Variants in ZFHX3 observed in about 807,000 individuals in gnomAD.
ZFHX3 encodes zinc finger homeobox 3.
A neutral mutation model predicts 279.1 loss-of-function variants in ZFHX3; 42 were observed. The observed-to-expected ratio is 0.15, with a 90% confidence interval of 0.12 to 0.19. The LOEUF (loss-of-function observed/expected upper bound fraction) is 0.19. ZFHX3 is among the 10% of genes least tolerant of loss of function. ZFHX3 has a pLI of 1.00. For synonymous variants in ZFHX3, 2,293 were observed against 1,957.8 expected, an observed-to-expected ratio of 1.17 and a Z score of -4.52; for missense variants, 4,981 against 4,754.0, an observed-to-expected ratio of 1.05 and a Z score of -1.40.
intron 1 of ZFHX3, among the ~76,000 whole-genome samples, chr16:73,867,250 G>C (rs1472543424): frequency 6.6e-6 from 1 of 152,128 alleles, no homozygotes; most frequent in African/African-American, 2.4e-5. Flanking sequence ...CTCATGCAAT[G>C]TTCAAACCAA....
chr16:73,764,694 C>T (rs896687094), intron 1 of ZFHX3, among the ~76,000 whole-genome samples: 3 of 152,062 alleles, frequency 2.0e-5, no homozygotes, highest in Non-Finnish European at 4.4e-5. Context: ...AAAGGAACAA[C>T]CAAAGAAAGA....
At chr16:73,357,318 T>C (rs999146873) in intron 3 of ZFHX3, among the ~76,000 whole-genome samples, 1 of 151,284 alleles carries the variant, frequency 6.6e-6, no homozygotes, top group African/African-American at 2.4e-5. Flanking sequence ...TAAAATGAAA[T>C]TAATTACAAA....
chr16:73,357,741 G>A (rs2016368026), intron 3 of ZFHX3, among the ~76,000 whole-genome samples: 1 of 152,144 alleles, frequency 6.6e-6, no homozygotes, highest in Non-Finnish European at 1.5e-5. Context: ...CCTGTGTCGG[G>A]AGGTGTGTAG....
intron 1 of ZFHX3, among the ~76,000 whole-genome samples, chr16:73,055,694 G>GCACACACACACACACACA (rs753027373): frequency 4.9e-4 from 67 of 138,122 alleles, no homozygotes; most frequent in South Asian, 9.8e-4. Flanking sequence ...GCGCGCGCGC[G>GCACACACACACACACACA]CGCGCACACA....
At chr16:73,871,866 T>C (rs1471758246) in intron 1 of ZFHX3, among the ~76,000 whole-genome samples, 2 of 152,202 alleles carry the variant, frequency 1.3e-5, no homozygotes, top group Non-Finnish European at 2.9e-5. Flanking sequence ...ACCTGAACTA[T>C]ATAGATGCTT....
At chr16:73,483,534 T>C in intron 2 of ZFHX3, 1 of 358,240 alleles carries the variant, frequency 2.8e-6, no homozygotes, top group South Asian at 2.1e-5. Context: ...CTCCGCGTTC[T>C]CATTTCTTGT....
intron 2 of ZFHX3, among the ~76,000 whole-genome samples, chr16:73,651,203 A>G (rs554580222): frequency 2.4e-4 from 37 of 151,198 alleles, no homozygotes; most frequent in African/African-American, 8.9e-4. Flanking sequence ...AAATGGGAGT[A>G]TTAGTCAGAT....
intron 1 of ZFHX3, among the ~76,000 whole-genome samples, chr16:72,982,290 ATC>A (rs1290820336): frequency 2.6e-5 from 4 of 152,212 alleles, no homozygotes; most frequent in Admixed American, 6.5e-5. Context: ...TCATTCAAAC[ATC>A]TGAGTGACTC....
At chr16:73,885,631 G>C (rs1336158682) in intron 1 of ZFHX3, among the ~76,000 whole-genome samples, 1 of 152,096 alleles carries the variant, frequency 6.6e-6, no homozygotes, top group Non-Finnish European at 1.5e-5. Context: ...ACAAAAAAAG[G>C]TGATGGGAGA....
At position 73,279,010 on chromosome 16, in the gene ZFHX3, TC is replaced by T. The variant is rs945772368; in HGVS notation, c.-1193-21875del. Among the ~76,000 whole-genome samples, 15 of 152,232 alleles carry T rather than the reference TC, an allele frequency of 9.9e-5. 2 individuals carry two copies. Among genetic ancestry groups the T allele is most frequent in the Non-Finnish European group, 2.9e-5 (2 of 68,040 alleles). On this transcript the variant is annotated intron_variant, in intron 4 of 17. Coordinates refer to the ZFHX3 transcript ENST00000641206. ...TTTTTCTACTACTAAGTGGGGGGCA[TC>T]CCCATACTTCTCAGTTAAATGTAAT...
At chr16:73,672,045 A>G (rs999401974) in intron 2 of ZFHX3, among the ~76,000 whole-genome samples, 13 of 119,940 alleles carry the variant, frequency 1.1e-4, no homozygotes, top group Non-Finnish European at 8.9e-5. Flanking sequence ...ATCTGAGGGG[A>G]AAAAAAATAC....
intron 2 of ZFHX3, among the ~76,000 whole-genome samples, chr16:73,458,604 C>T (rs564003202): frequency 6.6e-6 from 1 of 152,230 alleles, no homozygotes; most frequent in Non-Finnish European, 1.5e-5. Context: ...GTGATCCACT[C>T]ACCTCGGCTT....
chr16:72,803,883 A>G (rs1232489671), intron 7 of ZFHX3, among the ~76,000 whole-genome samples: 1 of 152,212 alleles, frequency 6.6e-6, no homozygotes, highest in Non-Finnish European at 1.5e-5. Flanking sequence ...GCCATGCAAA[A>G]GGCAGTTCCA....
At chr16:72,829,994 G>T in intron 4 of ZFHX3, 135 bp from the exon 5 acceptor site, 1 of 869,190 alleles carries the variant, frequency 1.2e-6, no homozygotes, top group Non-Finnish European at 1.8e-6. Flanking sequence ...AGAGGCCCCT[G>T]GGAGACTGAC....
At chr16:73,779,410 G>C (rs1431312116) in intron 1 of ZFHX3, among the ~76,000 whole-genome samples, 1 of 121,864 alleles carries the variant, frequency 8.2e-6, no homozygotes, top group African/African-American at 3.2e-5. Flanking sequence ...GGAGGAGGAG[G>C]TGGTGGTGTT....
intron 2 of ZFHX3, among the ~76,000 whole-genome samples, chr16:73,648,626 G>A (rs2052642816): frequency 6.6e-6 from 1 of 152,050 alleles, no homozygotes; most frequent in Non-Finnish European, 1.5e-5. Context: ...TGGCCAGGCT[G>A]GTCTCAAACC....
chr16:73,738,629 C>T (rs556630164), intron 1 of ZFHX3, among the ~76,000 whole-genome samples: 12 of 152,112 alleles, frequency 7.9e-5, no homozygotes, highest in African/African-American at 2.4e-4. Context: ...TAGAGTTCCA[C>T]GGTATAAGAA....
At chr16:73,596,785 C>T (rs1233857615) in intron 2 of ZFHX3, among the ~76,000 whole-genome samples, 1 of 152,182 alleles carries the variant, frequency 6.6e-6, no homozygotes, top group Non-Finnish European at 1.5e-5. Context: ...TAAGGAACGT[C>T]ACTATAACTC....
At chr16:72,976,282 G>A (rs139584187) in intron 1 of ZFHX3, among the ~76,000 whole-genome samples, 62 of 152,298 alleles carry the variant, frequency 4.1e-4, no homozygotes, top group Middle Eastern at 3.4e-3. Context: ...TGTTCCTGCA[G>A]TTCCAAAAGA....
Sources: gnomAD v4.1 joint callset for allele counts (sites outside exome capture counted in the v4.1 genomes callset) on GRCh38, gnomAD v4.1.1 for gene constraint, MANE v1.5 for transcripts, NCBI Gene and HGNC (gene_info 2026-07-23, HGNC 2026-07-21) for gene names.